Variants in SYNJ2BP observed in about 807,000 individuals in gnomAD.
The protein encoded by SYNJ2BP is synaptojanin-2-binding protein.
A neutral mutation model predicts 16.9 loss-of-function variants in SYNJ2BP; 10 were observed. The observed-to-expected ratio is 0.59, with a 90% confidence interval of 0.36 to 1.00. SYNJ2BP has a LOEUF of 1.00. Among genes scored for constraint, SYNJ2BP ranks in the 50% least tolerant of loss-of-function variants. The probability of loss-of-function intolerance (pLI) is 0.01; values close to 1 mark genes in which losing one functional copy is unlikely to be tolerated. For missense variants in SYNJ2BP, 162 were observed against 186.7 expected (o/e 0.87, Z 0.77); for synonymous variants, 54 against 68.4 (o/e 0.79, Z 1.04).
chr14:70,414,271 G>C (rs1469982278), intron 1 of SYNJ2BP, among the ~76,000 whole-genome samples: 6 of 152,114 alleles, frequency 3.9e-5, no homozygotes, highest in Admixed American at 1.3e-4. Context: ...TACTCTCCCA[G>C]TAAGTTCACT....
In SYNJ2BP at chr14:70,366,848, T is replaced by C. The variant is rs562280961; in HGVS notation, c.*6143A>G. On this transcript the variant is annotated 3_prime_UTR_variant, in exon 4 of 4. Coordinates refer to ENST00000256366, the MANE Select transcript of SYNJ2BP (RefSeq NM_018373.3). ...GAAAATAATCTTCTAAGAACTAACA[T>C]GGCCTGGAGGTAAAATGCAAATATA... 2.0e-5 allele frequency: 3 copies of C among 152,278 alleles called. No homozygotes were observed. In the East Asian group the frequency reaches 5.8e-4, roughly 29 times the overall value. The allele number at this position is 152,278 out of a possible 1,614,324, so 9.4% of individuals were successfully genotyped here. A position where few individuals can be genotyped will look rare whatever the true frequency, so the allele number is the denominator to read the frequency against.
At chr14:70,402,581 T>C (rs1303152820) in intron 1 of SYNJ2BP, among the ~76,000 whole-genome samples, 2 of 151,822 alleles carry the variant, frequency 1.3e-5, no homozygotes, top group Non-Finnish European at 2.9e-5. Flanking sequence ...GTGGTGCACC[T>C]GTAGTCCCAG....
In SYNJ2BP at chr14:70,398,148, T is replaced by C. The variant is rs143080341; in HGVS notation, c.65-9542A>G. 8.9e-4 allele frequency among the ~76,000 whole-genome samples: 136 copies of C among 152,320 alleles called. 1 individual carries two copies. Among genetic ancestry groups the C allele is most frequent in the African/African-American group, 3.1e-3 (130 of 41,590 alleles). On this transcript the variant is annotated intron_variant, in intron 1 of 3. Coordinates refer to ENST00000256366, the MANE Select transcript of SYNJ2BP (RefSeq NM_018373.3). ...GAGCTGGTCATCCCATCTTCTCTGC[T>C]GTGGCTGAACCTGGGGCATTTATGG...
chr14:70,417,051 A>C lies in SYNJ2BP; in HGVS notation c.-88T>G, dbSNP rs1311823609. On this transcript the variant is annotated 5_prime_UTR_variant, in exon 1 of 4. Coordinates refer to ENST00000256366, the MANE Select transcript of SYNJ2BP (RefSeq NM_018373.3). Reference sequence around the variant, plus strand: ...TCAATCTCGGCGCTGCGCCCACAGCACAGCGGTTTCGGTTTCAGCAGCCTC... The same window carrying C: ...TCAATCTCGGCGCTGCGCCCACAGCCCAGCGGTTTCGGTTTCAGCAGCCTC... 6.3e-7 allele frequency: 1 copy of C among 1,599,704 alleles called. No individual in the cohort carries two copies. The highest frequency in any genetic ancestry group is 1.3e-5 in the African/African-American group (1 of 74,554).
chr14:70,401,639 C>T (rs1056580653), intron 1 of SYNJ2BP, among the ~76,000 whole-genome samples: 1 of 148,418 alleles, frequency 6.7e-6, no homozygotes, highest in Admixed American at 6.8e-5. Flanking sequence ...AAATATAAAA[C>T]TTCACTGGCC....
chr14:70,399,784 T>C (rs1888195890), intron 1 of SYNJ2BP, among the ~76,000 whole-genome samples: 1 of 152,186 alleles, frequency 6.6e-6, no homozygotes, highest in South Asian at 2.1e-4. Flanking sequence ...CTCAGGATCC[T>C]ATCTAAGGGT....
chr14:70,383,962 T>A lies in SYNJ2BP; in HGVS notation c.201+4508A>T, dbSNP rs867959532. ...CTTTTGATGAGAAAGAGGAAACTATTTTTTTTTTTTTTTGAGATGGAGTCT... is the reference window on the plus strand; with the variant it reads ...CTTTTGATGAGAAAGAGGAAACTATATTTTTTTTTTTTTGAGATGGAGTCT... On this transcript the variant is annotated intron_variant, in intron 2 of 3. Coordinates refer to ENST00000256366, the MANE Select transcript of SYNJ2BP (RefSeq NM_018373.3). Among the ~76,000 whole-genome samples, 65 of 62,566 alleles carry A rather than the reference T, an allele frequency of 1.0e-3. No homozygotes were observed. The Middle Eastern group carries it at 0.02, about 19-fold the overall frequency. The allele number at this position is 62,566 out of a possible 152,430, so 41.0% of individuals were successfully genotyped here.
At chr14:70,387,830 C>CAA (rs1224467128) in intron 2 of SYNJ2BP, among the ~76,000 whole-genome samples, 4,777 of 98,204 alleles carry the variant, frequency 0.049, 111 homozygotes, top group Middle Eastern at 0.1. Flanking sequence ...GAATCTATCT[C>CAA]AAAAAAAAAA....
chr14:70,393,805 G>A (rs1178927173), intron 1 of SYNJ2BP, among the ~76,000 whole-genome samples: 8 of 151,872 alleles, frequency 5.3e-5, no homozygotes, highest in South Asian at 2.1e-4. Flanking sequence ...GCCTGTCAGG[G>A]GGTGGGGGGT....
chr14:70,389,180 T>C (rs958426944), intron 1 of SYNJ2BP, among the ~76,000 whole-genome samples: 5 of 152,170 alleles, frequency 3.3e-5, no homozygotes, highest in Non-Finnish European at 7.4e-5. Flanking sequence ...ATTCCTGACA[T>C]TCCTGATATT....
chr14:70,394,064 C>A (rs1566620085), intron 1 of SYNJ2BP, among the ~76,000 whole-genome samples: 1 of 150,546 alleles, frequency 6.6e-6, no homozygotes, highest in South Asian at 2.1e-4. Context: ...TCTGACCACC[C>A]ATGAGACAGA....
intron 1 of SYNJ2BP, among the ~76,000 whole-genome samples, chr14:70,405,970 G>T (rs1428701165): frequency 1.3e-5 from 2 of 152,130 alleles, no homozygotes; most frequent in East Asian, 3.8e-4. Context: ...ATTATTTATT[G>T]TGTCTTGTGA....
chr14:70,377,047 C>T (rs1234410545), intron 2 of SYNJ2BP, among the ~76,000 whole-genome samples: 3 of 152,216 alleles, frequency 2.0e-5, no homozygotes, highest in African/African-American at 7.2e-5. Flanking sequence ...CTCCATTCCA[C>T]TTCAGTCACC....
At chr14:70,395,682 C>T (rs562052919) in intron 1 of SYNJ2BP, among the ~76,000 whole-genome samples, 2 of 152,300 alleles carry the variant, frequency 1.3e-5, no homozygotes, top group South Asian at 4.1e-4. Context: ...ATGTATAATT[C>T]AGTGGCATTA....
chr14:70,393,307 T>G lies in SYNJ2BP; in HGVS notation c.65-4701A>C, dbSNP rs1332691072. 2.0e-5 allele frequency among the ~76,000 whole-genome samples: 3 copies of G among 152,348 alleles called. No homozygotes were observed. In the East Asian group the frequency reaches 5.8e-4, roughly 29 times the overall value. On this transcript the variant is annotated intron_variant, in intron 1 of 3. Coordinates refer to ENST00000256366, the MANE Select transcript of SYNJ2BP (RefSeq NM_018373.3). ...CATTAAAAAGTCTGGAAACAACAGATGCTGGCGAGGATGTGGAGAAATGGG... is the reference window on the plus strand; with the variant it reads ...CATTAAAAAGTCTGGAAACAACAGAGGCTGGCGAGGATGTGGAGAAATGGG...
At position 70,412,031 on chromosome 14, in the gene SYNJ2BP, C is replaced by T. The variant is rs1231967350; in HGVS notation, c.64+4869G>A. Among the ~76,000 whole-genome samples, 4 of 152,320 alleles carry T rather than the reference C, an allele frequency of 2.6e-5. No homozygotes were observed. The East Asian group carries it at 7.7e-4, about 29-fold the overall frequency. ...ATCAGAAAACTGCTAGCAACAGTTT[C>T]AGTTAGCATGAAACCCAAAGCCTAT... is the stretch of plus-strand genomic sequence containing the variant. On this transcript the variant is annotated intron_variant, in intron 1 of 3. Coordinates refer to ENST00000256366, the MANE Select transcript of SYNJ2BP (RefSeq NM_018373.3).
intron 3 of SYNJ2BP, among the ~76,000 whole-genome samples, chr14:70,375,194 T>C (rs1887599697): frequency 1.4e-5 from 2 of 143,884 alleles, no homozygotes; most frequent in South Asian, 4.3e-4. Context: ...CTCTTTTTTT[T>C]CTCTTTTTTT....
At chr14:70,403,842 C>A (rs954988278) in intron 1 of SYNJ2BP, among the ~76,000 whole-genome samples, 2 of 152,172 alleles carry the variant, frequency 1.3e-5, no homozygotes, top group Non-Finnish European at 2.9e-5. Flanking sequence ...ACCCTCTCTT[C>A]GGGTCTGGAT....
At chr14:70,380,514 A>T (rs1887725027) in intron 2 of SYNJ2BP, among the ~76,000 whole-genome samples, 1 of 151,726 alleles carries the variant, frequency 6.6e-6, no homozygotes, top group Non-Finnish European at 1.5e-5. Flanking sequence ...ATACAAAAAT[A>T]AGCTGGGCGT....
Sources: allele counts gnomAD v4.1 joint callset (sites outside exome capture counted in the v4.1 genomes callset), GRCh38; gene constraint gnomAD v4.1.1; transcripts MANE v1.5; gene names NCBI Gene and HGNC (gene_info 2026-07-23, HGNC 2026-07-21).